VPS35L: variants seen among roughly 807,000 people sequenced by gnomAD.
The protein encoded by VPS35L is VPS35 endosomal protein sorting factor like.
In VPS35L, 83 loss-of-function variants were observed where a neutral mutation model predicts 133.0. The observed-to-expected ratio is 0.62, with a 90% CI of 0.52 to 0.75. The LOEUF (loss-of-function observed/expected upper bound fraction) is 0.75. Ranked by LOEUF, VPS35L falls within the 30% of genes least tolerant of loss-of-function variation. VPS35L has a pLI of 0.00. For synonymous variants in VPS35L, 423 were observed against 449.9 expected (o/e 0.94, Z 0.76); for missense variants, 1,083 against 1,206.8 (o/e 0.90, Z 1.52).
chr16:19,616,813 C>T lies in VPS35L; in HGVS notation c.1224+5C>T. On this transcript the variant is annotated splice_donor_5th_base_variant and intron_variant, in intron 14 of 30. Coordinates refer to ENST00000417362, the MANE Select transcript of VPS35L (RefSeq NM_020314.7). ...ATCTCCTACCATGCCCCCGAGGTAACTGCCAGGTGGCTTCAGTGTGACGCT... is the reference window on the plus strand; with the variant it reads ...ATCTCCTACCATGCCCCCGAGGTAATTGCCAGGTGGCTTCAGTGTGACGCT... 1 of 1,614,214 alleles carries T rather than the reference C, an allele frequency of 6.2e-7. No individual in the cohort carries two copies. Among genetic ancestry groups the T allele is most frequent in the South Asian group, 1.1e-5 (1 of 91,086 alleles).
rs9925048 is a variant in VPS35L at position 19,608,156 on chromosome 16, G to T, written c.785-22G>T. The T allele has an allele frequency of 3.3e-3, 5,129 of 1,569,920 alleles. 169 individuals carry two copies. The African/African-American group carries it at 0.063, about 19-fold the overall frequency. ...ATCCTGAGATTTAGGAGGGCTGATG[G>T]ATCTTGTTTTTTGTATTACAGATCA... On this transcript the variant is annotated intron_variant, in intron 9 of 30. Transcript: ENST00000417362.
chr16:19,594,691 G>A (rs226862), intron 8 of VPS35L, among the ~76,000 whole-genome samples: 6,383 of 134,880 alleles, frequency 0.047, 259 homozygotes, highest in African/African-American at 0.11. Flanking sequence ...AAAAATCCTC[G>A]CCTTTGTGGT....
At chr16:19,697,880 C>T (rs1975971869) in intron 29 of VPS35L, among the ~76,000 whole-genome samples, 1 of 152,220 alleles carries the variant, frequency 6.6e-6, no homozygotes, top group Non-Finnish European at 1.5e-5. Context: ...AGCTCGGACT[C>T]CCCTCTGCAT....
Position 19,639,392 on chromosome 16 carries a change from G to A in VPS35L, c.1699-623G>A, listed in dbSNP as rs77706575. Among the ~76,000 whole-genome samples, 12,909 of 152,178 alleles carry A rather than the reference G, an allele frequency of 0.085. 737 individuals carry two copies. The highest frequency in any genetic ancestry group is 0.22 in the East Asian group (1,156 of 5,158). On this transcript the variant is annotated intron_variant, in intron 20 of 30. Coordinates refer to ENST00000417362, the MANE Select transcript of VPS35L (RefSeq NM_020314.7). The surrounding 1 kb of genome is among the most constrained non-coding windows in gnomAD (Gnocchi z 4.1). The stretch of plus-strand genomic sequence containing the variant: ...TTGCTCATCAATATAATCACAAAAA[G>A]ACTGAAGTCTGCCTTGCCCAGAAAA...
chr16:19,567,986 A>C (rs1183111147), intron 2 of VPS35L, among the ~76,000 whole-genome samples: 1 of 149,598 alleles, frequency 6.7e-6, no homozygotes, highest in Admixed American at 6.7e-5. Context: ...AAAAAAAAAA[A>C]GACATCTTCA....
At chr16:19,586,138 G>A (rs1019662502) in intron 7 of VPS35L, among the ~76,000 whole-genome samples, 2 of 152,210 alleles carry the variant, frequency 1.3e-5, no homozygotes, top group East Asian at 1.9e-4. Context: ...GTGCTCAAGC[G>A]ATCCTTTCAT....
At position 19,609,017 on chromosome 16, in the gene VPS35L, A is replaced by C; in HGVS notation, c.925A>C (p.Lys309Gln). 1 of 1,613,592 alleles carries C rather than the reference A, an allele frequency of 6.2e-7. No homozygotes were observed. Residue 309 changes from lysine (K) to glutamine (Q), a missense_variant, in exon 11 of 31, where the codon AAA becomes CAA. By Grantham distance (53) the Lys-to-Gln change is moderately conservative. Transcript: ENST00000417362. ...SILKCNKFLS[K>Q]TGISECLPRL... ...CCTGAAATGTAACAAATTCCTCTCC[A>C]AAACGTAAGGCTCTTCGGTAAAATC...
At chr16:19,567,302 T>A (rs1051499127) in intron 2 of VPS35L, among the ~76,000 whole-genome samples, 5 of 152,286 alleles carry the variant, frequency 3.3e-5, no homozygotes, top group Non-Finnish European at 7.4e-5. Flanking sequence ...AGGAAAATGC[T>A]TTTCTCAAGC....
chr16:19,556,216 G>T (rs944480567), intron 1 of VPS35L, among the ~76,000 whole-genome samples: 1 of 152,210 alleles, frequency 6.6e-6, no homozygotes, highest in Non-Finnish European at 1.5e-5. Context: ...CCTAGGCACA[G>T]CCCTCAGACT....
Position 19,641,550 on chromosome 16 carries a change from A to G in VPS35L, c.1785-846A>G, listed in dbSNP as rs142093806. ...GGAAAATTGAGTTTGATATTGCTCA[A>G]ATGTTTTAAGCTTTTCTTGTCATCT... is the stretch of plus-strand genomic sequence containing the variant. On this transcript the variant is annotated intron_variant, in intron 21 of 30. Coordinates refer to ENST00000417362, the MANE Select transcript of VPS35L (RefSeq NM_020314.7). Among the ~76,000 whole-genome samples the G allele has an allele frequency of 2.9e-3, 448 of 152,292 alleles. 2 individuals carry two copies. Among genetic ancestry groups the G allele is most frequent in the African/African-American group, 0.01 (435 of 41,568 alleles).
At chr16:19,600,258 GAAAAA>G (rs10596954) in intron 8 of VPS35L, among the ~76,000 whole-genome samples, 4 of 145,744 alleles carry the variant, frequency 2.7e-5, no homozygotes, top group African/African-American at 9.9e-5. Flanking sequence ...AAAGGGTTAT[GAAAAA>G]AAAAAAAAAA....
chr16:19,583,104 C>A (rs1971759806), intron 7 of VPS35L, among the ~76,000 whole-genome samples: 1 of 152,038 alleles, frequency 6.6e-6, no homozygotes, highest in South Asian at 2.1e-4. Flanking sequence ...GCATATTTTA[C>A]ATATCATAAA....
intron 12 of VPS35L, among the ~76,000 whole-genome samples, chr16:19,612,188 C>T (rs907863834): frequency 3.3e-5 from 5 of 152,002 alleles, no homozygotes; most frequent in Non-Finnish European, 5.9e-5. Flanking sequence ...CCGCCTGCCC[C>T]GGCCTCTCAA....
At chr16:19,649,698 A>G (rs564234515) in intron 24 of VPS35L, among the ~76,000 whole-genome samples, 3 of 152,340 alleles carry the variant, frequency 2.0e-5, no homozygotes, top group African/African-American at 4.8e-5. Flanking sequence ...AACTTTTTAT[A>G]TCTGTGGAAG....
chr16:19,569,275 A>G (rs1325219022), intron 2 of VPS35L, 149 bp from the exon 3 acceptor site: 1 of 883,730 alleles, frequency 1.1e-6, no homozygotes, highest in African/African-American at 1.6e-5. Flanking sequence ...ATTTGTCACA[A>G]AAACTAAGCA....
intron 16 of VPS35L, 83 bp from the exon 17 acceptor site, chr16:19,628,554 A>G (rs1597375630): frequency 1.3e-6 from 1 of 768,758 alleles, no homozygotes. Flanking sequence ...AAACATTACA[A>G]CCTTTTCTCT....
intron 26 of VPS35L, among the ~76,000 whole-genome samples, chr16:19,664,922 C>T (rs1308723566): frequency 6.7e-6 from 1 of 149,460 alleles, no homozygotes; most frequent in Non-Finnish European, 1.5e-5. Flanking sequence ...AACAAAAAAA[C>T]ATGAATGTCC....
At chr16:19,665,891 T>C (rs573802889) in intron 26 of VPS35L, among the ~76,000 whole-genome samples, 143 of 152,362 alleles carry the variant, frequency 9.4e-4, no homozygotes, top group Non-Finnish European at 1.4e-3. Flanking sequence ...GGTTCGATGA[T>C]ATCTCATTAT....
chr16:19,618,411 A>G (rs999316782), intron 14 of VPS35L, among the ~76,000 whole-genome samples: 9 of 152,210 alleles, frequency 5.9e-5, no homozygotes, highest in African/African-American at 2.2e-4. Flanking sequence ...ATCAGAGAGG[A>G]CTGGTTATGG....
Sources: gnomAD v4.1 joint callset for allele counts (sites outside exome capture counted in the v4.1 genomes callset) on GRCh38, gnomAD v4.1.1 for gene constraint, Gnocchi (gnomAD v3.1) non-coding constraint, MANE v1.5 for transcripts, NCBI Gene and HGNC (gene_info 2026-07-23, HGNC 2026-07-21) for gene names.